SUMF1: variants seen among roughly 807,000 people sequenced by gnomAD.
SUMF1 encodes the protein formylglycine-generating enzyme.
Under a neutral mutation model 47.6 loss-of-function variants are expected in SUMF1, and 48 were observed. That is an observed-to-expected ratio of 1.01 (90% confidence interval 0.80 to 1.28). SUMF1 has a LOEUF of 1.28. Among genes scored for constraint, SUMF1 ranks in the 50% most tolerant of loss-of-function variants. SUMF1 has a pLI of 0.00. For missense variants in SUMF1, 571 were observed against 485.4 expected (o/e 1.18, Z -1.66); for synonymous variants, 230 against 192.1 (o/e 1.20, Z -1.63).
chr3:4,163,060 G>A (rs1484938827), intron 8 of SUMF1, among the ~76,000 whole-genome samples: 9 of 151,778 alleles, frequency 5.9e-5, no homozygotes. Context: ...TGCCCAGTAT[G>A]GATCAAAAAT....
At chr3:4,318,677 GCAGA>G (rs1179235161) in intron 8 of SUMF1, among the ~76,000 whole-genome samples, 1 of 152,196 alleles carries the variant, frequency 6.6e-6, no homozygotes, top group African/African-American at 2.4e-5. Flanking sequence ...GGAGGCCAAA[GCAGA>G]CAGATCACCT....
At chr3:4,242,239 C>T (rs1487955396) in intron 8 of SUMF1, among the ~76,000 whole-genome samples, 2 of 152,148 alleles carry the variant, frequency 1.3e-5, no homozygotes, top group Non-Finnish European at 2.9e-5. Flanking sequence ...AATTTGACTT[C>T]CTCTTTTCCT....
At chr3:4,188,466 C>A (rs1020133015) in intron 8 of SUMF1, among the ~76,000 whole-genome samples, 37 of 152,140 alleles carry the variant, frequency 2.4e-4, no homozygotes, top group African/African-American at 8.9e-4. Context: ...CCCTAACTTA[C>A]CCCAATCCAT....
At chr3:4,326,746 C>A (rs1031373647) in intron 8 of SUMF1, among the ~76,000 whole-genome samples, 2 of 151,994 alleles carry the variant, frequency 1.3e-5, no homozygotes, top group Non-Finnish European at 2.9e-5. Context: ...GTCTCAAACT[C>A]CTGAGCTCAG....
intron 3 of SUMF1, among the ~76,000 whole-genome samples, chr3:4,446,618 T>C (rs977831071): frequency 6.6e-6 from 1 of 152,166 alleles, no homozygotes; most frequent in African/African-American, 2.4e-5. Flanking sequence ...AGGTGCCTCA[T>C]GGGGAAAGAA....
rs73806982 is a variant in SUMF1, at chr3:4,289,817, C to G, written c.1014+86513G>C. On this transcript the variant is annotated intron_variant and NMD_transcript_variant, in intron 8 of 12. Transcript: ENST00000448413. ...CACAATGGCCAACACACAGTTGGTA[C>G]TTAATAAACACGCTGAATAACTACA... Among the ~76,000 whole-genome samples, 956 of 148,828 alleles carry G rather than the reference C, an allele frequency of 6.4e-3. 14 individuals are homozygous for G. Among genetic ancestry groups the G allele is most frequent in the African/African-American group, 0.024 (921 of 38,254 alleles).
At chr3:4,368,337 A>G (rs1032160400) in intron 8 of SUMF1, among the ~76,000 whole-genome samples, 4 of 152,232 alleles carry the variant, frequency 2.6e-5, no homozygotes, top group African/African-American at 9.6e-5. Context: ...TCAGGAAACA[A>G]CAGGTGCTGG....
In SUMF1 at chr3:4,409,557, A is replaced by G. The variant is rs114512590; in HGVS notation, c.954+1308T>C. On this transcript the variant is annotated intron_variant, in intron 7 of 8. Transcript: ENST00000272902. Reference sequence around the variant, plus strand: ...TGTGCACCCCCTTCCAAGCATGCAGATGCTTTTATCTGAGATGAAAAAAAT... The same window carrying G: ...TGTGCACCCCCTTCCAAGCATGCAGGTGCTTTTATCTGAGATGAAAAAAAT... Among the ~76,000 whole-genome samples, 351 of 152,326 alleles carry G rather than the reference A, an allele frequency of 2.3e-3. 2 individuals carry two copies. Among genetic ancestry groups the G allele is most frequent in the African/African-American group, 8.2e-3 (339 of 41,580 alleles).
intron 8 of SUMF1, among the ~76,000 whole-genome samples, chr3:4,084,007 A>C (rs1264975587): frequency 1.3e-5 from 2 of 152,116 alleles, no homozygotes; most frequent in East Asian, 3.8e-4. Flanking sequence ...TTACAAAAAC[A>C]ATGATGTTTA....
intron 8 of SUMF1, among the ~76,000 whole-genome samples, chr3:4,304,420 G>C (rs1698099167): frequency 6.6e-6 from 1 of 152,218 alleles, no homozygotes; most frequent in South Asian, 2.1e-4. Flanking sequence ...GGGATTACAG[G>C]CATGAGCCAC....
intron 8 of SUMF1, among the ~76,000 whole-genome samples, chr3:4,077,151 A>T (rs1692456987): frequency 6.6e-6 from 1 of 152,138 alleles, no homozygotes; most frequent in Admixed American, 6.5e-5. Flanking sequence ...AAAAGTCAGG[A>T]AACAACAGAC....
intron 8 of SUMF1, among the ~76,000 whole-genome samples, chr3:4,174,875 G>A (rs1382205716): frequency 1.3e-5 from 2 of 152,210 alleles, no homozygotes; most frequent in African/African-American, 4.8e-5. Flanking sequence ...CAGACAAGGT[G>A]ATTCTCTCCT....
At chr3:4,373,194 C>A (rs115357450) in intron 8 of SUMF1, among the ~76,000 whole-genome samples, 6 of 83,208 alleles carry the variant, frequency 7.2e-5, no homozygotes, top group Middle Eastern at 6.3e-3. Flanking sequence ...AGTATGTAAT[C>A]GAAAAGAAGA....
intron 6 of SUMF1, 98 bp downstream of exon 6, chr3:4,417,030 G>A (rs1302371575): frequency 8.3e-6 from 9 of 1,082,466 alleles, no homozygotes; most frequent in African/African-American, 3.1e-5. Context: ...AGGGAACACC[G>A]TGTGAGTCAC....
intron 8 of SUMF1, among the ~76,000 whole-genome samples, chr3:4,307,271 G>A (rs986951293): frequency 6.6e-6 from 1 of 152,158 alleles, no homozygotes; most frequent in African/African-American, 2.4e-5. Flanking sequence ...CAAGTATCAA[G>A]AGCTGCAATC....
intron 8 of SUMF1, among the ~76,000 whole-genome samples, chr3:4,368,557 A>C (rs1700062009): frequency 6.6e-6 from 1 of 152,128 alleles, no homozygotes; most frequent in Non-Finnish European, 1.5e-5. Flanking sequence ...TTGCGGCACT[A>C]CTCACAATAG....
At chr3:4,244,157 T>C (rs1038514940) in intron 8 of SUMF1, among the ~76,000 whole-genome samples, 2 of 152,164 alleles carry the variant, frequency 1.3e-5, no homozygotes, top group Admixed American at 6.5e-5. Flanking sequence ...ATGTGTGTCT[T>C]TGCATGTGAG....
At chr3:4,089,472 C>A (rs1692739020) in intron 8 of SUMF1, among the ~76,000 whole-genome samples, 1 of 152,056 alleles carries the variant, frequency 6.6e-6, no homozygotes, top group South Asian at 2.1e-4. Flanking sequence ...AAAATACAAA[C>A]ATTGTTTTCA....
chr3:4,312,508 C>G (rs766330491), intron 8 of SUMF1, among the ~76,000 whole-genome samples: 2 of 151,338 alleles, frequency 1.3e-5, no homozygotes, highest in Non-Finnish European at 2.9e-5. Context: ...ATTATAATGC[C>G]CAACTCATCC....
Sources: gnomAD v4.1 joint callset for allele counts (sites outside exome capture counted in the v4.1 genomes callset) on GRCh38, gnomAD v4.1.1 for gene constraint, MANE v1.5 for transcripts, NCBI Gene and HGNC (gene_info 2026-07-23, HGNC 2026-07-21) for gene names.